The following CIITA variants were observed in gnomAD, a reference collection of about 807,000 sequenced individuals.
CIITA encodes the protein MHC class II transactivator.
A neutral mutation model predicts 115.1 loss-of-function variants in CIITA; 72 were observed. The ratio of observed to expected loss-of-function variants is 0.63; its 90% confidence interval spans 0.52 to 0.76. The LOEUF (loss-of-function observed/expected upper bound fraction) is 0.76. Among genes scored for constraint, CIITA ranks in the 30% least tolerant of loss-of-function variants. CIITA has a pLI of 0.00. For synonymous variants in CIITA, 763 were observed against 635.6 expected (o/e 1.20, Z -3.02); for missense variants, 1,617 against 1,463.8 (o/e 1.10, Z -1.71).
At position 10,899,731 on chromosome 16, in the gene CIITA, C is replaced by T. The variant is rs2038516941; in HGVS notation, c.436+729C>T. ...TGTGTAAGTCCTGTATCTATTTATT[C>T]AGTTCTTAAACAGGTGAATCGCACA... On this transcript the variant is annotated intron_variant, in intron 5 of 19. Coordinates refer to ENST00000324288, the MANE Select transcript of CIITA (RefSeq NM_000246.4). Among the ~76,000 whole-genome samples, 5 of 152,134 alleles carry T rather than the reference C, an allele frequency of 3.3e-5. No homozygotes were observed. The South Asian group carries it at 1.0e-3, about 31-fold the overall frequency.
intron 1 of CIITA, among the ~76,000 whole-genome samples, chr16:10,882,339 G>A (rs975197360): frequency 1.3e-5 from 2 of 152,218 alleles, no homozygotes; most frequent in East Asian, 3.8e-4. Flanking sequence ...AGACCTGGAA[G>A]CTATTGTAAA....
rs1216466814 is a variant in CIITA at position 10,936,044 on chromosome 16, G to A, written c.*12189G>A. ...CTCGCTCAGTCACCCAGGCTGGAGT[G>A]CAGTGGTGGAATAATAACTCACTGC... On this transcript the variant is annotated 3_prime_UTR_variant, in exon 20 of 20. Coordinates refer to ENST00000324288, the MANE Select transcript of CIITA (RefSeq NM_000246.4). 1.3e-5 allele frequency: 2 copies of A among 151,160 alleles called. No homozygotes were observed. The highest frequency in any genetic ancestry group is 2.9e-5 in the Non-Finnish European group (2 of 67,956). 9.4% of individuals were successfully genotyped at this position (151,160 alleles called of 1,614,324 possible). A position where few individuals can be genotyped will look rare whatever the true frequency, so the allele number is the denominator to read the frequency against.
Position 10,879,749 on chromosome 16 carries a change from G to A in CIITA, c.52+2367G>A, listed in dbSNP as rs1249116645. On this transcript the variant is annotated intron_variant, in intron 1 of 19. Coordinates refer to ENST00000324288, the MANE Select transcript of CIITA (RefSeq NM_000246.4). This position sits in a 1 kb window ranked among gnomAD's most constrained non-coding sequence, Gnocchi z 4.3. The stretch of plus-strand genomic sequence containing the variant: ...GAGAGAGGCTAAAGCGCCCCGGAAA[G>A]CCAGCGTGCGAATGCCGGGGTGGGA... Among the ~76,000 whole-genome samples, 3 of 152,174 alleles carry A rather than the reference G, an allele frequency of 2.0e-5. No individual in the cohort carries two copies. The South Asian group carries it at 6.2e-4, about 31-fold the overall frequency.
intron 1 of CIITA, chr16:10,866,353 C>T (rs1280919198): frequency 2.1e-5 from 12 of 568,752 alleles, no homozygotes; most frequent in Non-Finnish European, 3.8e-5. Context: ...TCAGCCCAGC[C>T]TGGTGCAGGC....
chr16:10,922,648 A>G (rs535108058), intron 18 of CIITA, among the ~76,000 whole-genome samples, 158 bp downstream of exon 18: 1 of 152,330 alleles, frequency 6.6e-6, no homozygotes, highest in South Asian at 2.1e-4. Flanking sequence ...TCATCTGTAA[A>G]GTGGGGACAG....
intron 10 of CIITA, among the ~76,000 whole-genome samples, chr16:10,906,118 G>A (rs1259763564): frequency 6.6e-6 from 1 of 152,032 alleles, no homozygotes; most frequent in Non-Finnish European, 1.5e-5. Flanking sequence ...GCTTGAGCCT[G>A]TGAGGTTGAA....
intron 1 of CIITA, among the ~76,000 whole-genome samples, chr16:10,880,612 T>G (rs1465869166): frequency 6.6e-6 from 1 of 152,196 alleles, no homozygotes; most frequent in Non-Finnish European, 1.5e-5. Context: ...TCCCAGGCAG[T>G]CAGAGAGAAA....
At chr16:10,867,335 T>C (rs984255343) in intron 1 of CIITA, among the ~76,000 whole-genome samples, 2 of 135,304 alleles carry the variant, frequency 1.5e-5, no homozygotes, top group African/African-American at 5.1e-5. Flanking sequence ...GGGGGGGGCA[T>C]GTGTGCGTTT....
chr16:10,915,730 C>A lies in CIITA; in HGVS notation c.2969+80C>A, dbSNP rs7500869. On this transcript the variant is annotated intron_variant, in intron 14 of 19. Transcript: ENST00000324288. ...TCATAGCTCACTGCAGCCTCGAATT[C>A]CTGGCCTCAAGTAGTCCTCCTGCCT... is the stretch of plus-strand genomic sequence containing the variant. The A allele has an allele frequency of 0.18, 227,304 of 1,290,270 alleles. 21,339 individuals carry two copies. Among genetic ancestry groups the A allele is most frequent in the East Asian group, 0.29 (12,500 of 43,170 alleles). The allele number at this position is 1,290,270 out of a possible 1,614,324, so 79.9% of individuals were successfully genotyped here.
intron 10 of CIITA, 120 bp downstream of exon 10, chr16:10,904,932 T>A (rs1242450853): frequency 1.0e-6 from 1 of 982,034 alleles, no homozygotes; most frequent in East Asian, 2.5e-5. Flanking sequence ...CACACTCATT[T>A]ATTTATTCAT....
rs2038425539 is a variant in CIITA, at chr16:10,898,956, G to T, written c.390G>T (p.Glu130Asp). 1 of 1,613,886 alleles carries T rather than the reference G, an allele frequency of 6.2e-7. No individual in the cohort carries two copies. The highest frequency in any genetic ancestry group is 1.3e-5 in the African/African-American group (1 of 74,860). Reference sequence around the variant, plus strand: ...TAGGACCAGATGAAGTGATCGGTGAGAGTATGGAGATGCCAGCAGAAGTTG... The same window carrying T: ...TAGGACCAGATGAAGTGATCGGTGATAGTATGGAGATGCCAGCAGAAGTTG... ...KHIGPDEVIG[E>D]SMEMPAEVGQ... Residue 130 changes from glutamate (E) to aspartate (D), a missense_variant, in exon 5 of 20, where the codon GAG becomes GAT. Coordinates refer to ENST00000324288, the MANE Select transcript of CIITA (RefSeq NM_000246.4).
chr16:10,899,189 T>C (rs900072441), intron 5 of CIITA, among the ~76,000 whole-genome samples, 187 bp downstream of exon 5: 13 of 152,168 alleles, frequency 8.5e-5, no homozygotes, highest in Non-Finnish European at 1.0e-4. Flanking sequence ...AACCCTCCAA[T>C]GGCTACAAAA....
At chr16:10,884,658 T>A (rs1440077548) in intron 1 of CIITA, among the ~76,000 whole-genome samples, 1 of 152,080 alleles carries the variant, frequency 6.6e-6, no homozygotes, top group Non-Finnish European at 1.5e-5. Context: ...TGGCCTCAAG[T>A]CATCCTCCCT....
intron 10 of CIITA, among the ~76,000 whole-genome samples, chr16:10,905,830 A>G (rs564147786): frequency 2.0e-5 from 3 of 152,012 alleles, no homozygotes; most frequent in African/African-American, 7.2e-5. Context: ...GAGTGAAGGA[A>G]TGGGTGTGGA....
At chr16:10,915,374 A>G (rs901197393) in intron 13 of CIITA, among the ~76,000 whole-genome samples, 196 bp from the exon 14 acceptor site, 5 of 152,010 alleles carry the variant, frequency 3.3e-5, no homozygotes, top group Admixed American at 2.6e-4. Flanking sequence ...ATGGGGGGCT[A>G]TGAAATCTAC....
At position 10,902,797 on chromosome 16, in the gene CIITA, C is replaced by T. The variant is rs764509469; in HGVS notation, c.768C>T (p.Tyr256=). ...CAGGGGTCTCCAGTATATTCATCTA[C>T]CATGGTGAGTGCGGGGCCTGGCTCC... ...AGTGVSSIFI[Y]HGEVPQASQV... Residue 256 remains tyrosine, a synonymous_variant, in exon 8 of 20, where the codon TAC becomes TAT. Transcript: ENST00000324288. 6.2e-7 allele frequency: 1 copy of T among 1,614,174 alleles called. No homozygotes were observed. Among genetic ancestry groups the T allele is most frequent in the Admixed American group, 1.7e-5 (1 of 60,022 alleles).
intron 1 of CIITA, among the ~76,000 whole-genome samples, chr16:10,871,647 G>C (rs1475806344): frequency 6.6e-6 from 1 of 152,172 alleles, no homozygotes; most frequent in African/African-American, 2.4e-5. Flanking sequence ...CTTAGGATGT[G>C]AGAAACCAGA....
rs764994021 is a variant in CIITA at position 10,909,062 on chromosome 16, G to T, written c.2691G>T (p.Glu897Asp). ...TGAGCGACACGGTGGCGCTGTGGGA[G>T]TCCCTGCAGCAGCATGGGGAGACCA... The part of the protein sequence containing the change: ...AALSDTVALW[E>D]SLQQHGETKL... Residue 897 changes from glutamate (E) to aspartate (D), a missense_variant, in exon 12 of 20, where the codon GAG becomes GAT. By Grantham distance (45) the Glu-to-Asp change is conservative. Coordinates refer to ENST00000324288, the MANE Select transcript of CIITA (RefSeq NM_000246.4). 6.8e-6 allele frequency: 11 copies of T among 1,614,036 alleles called. No individual in the cohort carries two copies. In the Admixed American group the frequency reaches 1.8e-4, roughly 27 times the overall value.
At chr16:10,884,298 A>G (rs1395248346) in intron 1 of CIITA, among the ~76,000 whole-genome samples, 1 of 152,192 alleles carries the variant, frequency 6.6e-6, no homozygotes, top group Non-Finnish European at 1.5e-5. Flanking sequence ...TGCAATGGAA[A>G]TCCATTCAAC....
Sources: allele counts gnomAD v4.1 joint callset (sites outside exome capture counted in the v4.1 genomes callset), GRCh38; gene constraint gnomAD v4.1.1; non-coding constraint Gnocchi (gnomAD v3.1); transcripts MANE v1.5; gene names NCBI Gene and HGNC (gene_info 2026-07-23, HGNC 2026-07-21).